The following HYDIN variants were observed in gnomAD, a reference collection of about 807,000 sequenced individuals.
HYDIN encodes the protein axonemal central pair apparatus protein HYDIN.
HYDIN carries 132 observed loss-of-function variants against 403.9 expected under a neutral mutation model. The ratio of observed to expected loss-of-function variants is 0.33; its 90% CI spans 0.28 to 0.38. HYDIN has a LOEUF of 0.38. Ranked by LOEUF, HYDIN falls within the 10% of genes least tolerant of loss-of-function variation. HYDIN has a pLI of 1.00. For missense variants in HYDIN, 2,827 were observed against 5,009.5 expected (o/e 0.56, Z 13.15); for synonymous variants, 1,202 against 1,891.7 (o/e 0.64, Z 9.46).
chr16:71,116,481 C>T (rs1294965249), intron 9 of HYDIN, among the ~76,000 whole-genome samples: 2 of 152,238 alleles, frequency 1.3e-5, no homozygotes, highest in East Asian at 1.9e-4. Context: ...AATAATGCTG[C>T]AATGAACATG....
intron 14 of HYDIN, 71 bp from the exon 15 acceptor site, chr16:71,067,461 C>T (rs1568098754): frequency 1.3e-5 from 11 of 843,272 alleles, no homozygotes; most frequent in South Asian, 2.9e-5. Flanking sequence ...GGGGAGCCTC[C>T]GGAGGACTAC....
chr16:71,176,072 G>A (rs909240562), intron 4 of HYDIN, among the ~76,000 whole-genome samples: 4 of 149,598 alleles, frequency 2.7e-5, no homozygotes, highest in Admixed American at 1.3e-4. Flanking sequence ...TTGGGAGGCC[G>A]AGGCAGGAGG....
intron 36 of HYDIN, among the ~76,000 whole-genome samples, chr16:70,965,137 C>G (rs2143963492): frequency 6.6e-6 from 1 of 152,040 alleles, no homozygotes; most frequent in Middle Eastern, 3.4e-3. Flanking sequence ...GGCATTTCAC[C>G]TGTGGAAATA....
Position 70,913,110 on chromosome 16 carries a change from C to CTT in HYDIN, c.8005-4251_8005-4250dup, listed in dbSNP as rs111486976. Among the ~76,000 whole-genome samples the CTT allele has an allele frequency of 5.6e-3, 819 of 146,362 alleles. 7 individuals carry two copies. Among genetic ancestry groups the CTT allele is most frequent in the African/African-American group, 0.02 (783 of 40,090 alleles). ...TTTGTTTCATTTATCTTTCGTATTG[C>CTT]TTTTTTTTTTGTTTCAATTTCATTT... On this transcript the variant is annotated intron_variant, in intron 47 of 85. Coordinates refer to ENST00000393567, the MANE Select transcript of HYDIN (RefSeq NM_001270974.2).
chr16:71,177,687 C>T (rs769343069), intron 4 of HYDIN, among the ~76,000 whole-genome samples: 2 of 152,102 alleles, frequency 1.3e-5, no homozygotes, highest in Non-Finnish European at 2.9e-5. Context: ...TTTTTGTCTC[C>T]ACATTCTTAG....
intron 11 of HYDIN, 32 bp downstream of exon 11, chr16:71,093,785 T>C (rs763598708): frequency 7.5e-6 from 12 of 1,605,480 alleles, no homozygotes; most frequent in Non-Finnish European, 5.1e-6. Context: ...CAAGTACTGT[T>C]TGAAGTATCA....
chr16:71,203,653 C>T (rs1255751108), intron 1 of HYDIN: 1 of 440,984 alleles, frequency 2.3e-6, no homozygotes, highest in Non-Finnish European at 4.5e-6. Flanking sequence ...TTAGGTAACC[C>T]AGGACAGGTA....
Position 70,874,365 on chromosome 16 carries a change from T to C in HYDIN, c.10888A>G (p.Ile3630Val). ...ATCTCTGTGAACTCAGAGATACTTA[T>C]GTCTTCCTGGCTGGTGGGGGCCACC... is the stretch of plus-strand genomic sequence containing the variant. ...GLVAPTSQED[I>V]SISEFTEIIE... The change falls in exon 64 of 86, where the codon ATA (isoleucine) becomes GTA (valine). Residue 3630 changes from isoleucine (I) to valine (V), a missense_variant. Ile to Val is a conservative substitution (Grantham distance 29). Coordinates refer to ENST00000393567, the MANE Select transcript of HYDIN (RefSeq NM_001270974.2). 1.8e-6 allele frequency: 1 copy of C among 558,708 alleles called. No homozygotes were observed. Among genetic ancestry groups the C allele is most frequent in the Non-Finnish European group, 2.9e-6 (1 of 346,310 alleles). 34.6% of individuals were successfully genotyped at this position (558,708 alleles called of 1,614,324 possible). A position where few individuals can be genotyped will look rare whatever the true frequency, so the allele number is the denominator to read the frequency against.
Position 71,151,096 on chromosome 16 carries a change from G to T in HYDIN, c.841+1563C>A, listed in dbSNP as rs2144574220. The stretch of plus-strand genomic sequence containing the variant: ...ACTCTCATGCCTTGCTGGTGGGAAT[G>T]TAAAATGACACAACTATCTTGGAAA... On this transcript the variant is annotated intron_variant, in intron 7 of 85. Transcript: ENST00000393567. Among the ~76,000 whole-genome samples the T allele has an allele frequency of 2.0e-5, 3 of 152,278 alleles. No individual in the cohort carries two copies. The Middle Eastern group carries it at 0.01, about 518-fold the overall frequency.
At chr16:70,979,895 G>A (rs1414203652) in intron 29 of HYDIN, among the ~76,000 whole-genome samples, 1 of 152,102 alleles carries the variant, frequency 6.6e-6, no homozygotes, top group Non-Finnish European at 1.5e-5. Context: ...CTGAACTCCA[G>A]CCTGGGTGAC....
rs562266990 is a variant in HYDIN, at chr16:71,129,743, C to T, written c.1124G>A (p.Arg375Gln). Reference sequence around the variant, plus strand: ...TCGGGACAGAACAGAAAGATGTTCTCGGAGTAAAGGATCAGTAATGCACTC... The same window carrying T: ...TCGGGACAGAACAGAAAGATGTTCTTGGAGTAAAGGATCAGTAATGCACTC... ...FEECITDPLL[R>Q]EHLSVLSRTF... is the part of the protein sequence containing the mutation. The change falls in exon 9 of 86, where the codon CGA becomes CAA. Residue 375 changes from arginine (R) to glutamine (Q), a missense_variant. Physicochemically the swap from Arg to Gln is conservative, Grantham distance 43. Transcript: ENST00000393567. 91 of 1,614,060 alleles carry T rather than the reference C, an allele frequency of 5.6e-5. No homozygotes were observed. Among genetic ancestry groups the T allele is most frequent in the South Asian group, 3.7e-4 (34 of 91,030 alleles).
At chr16:70,830,610 C>T (rs868725166) in intron 80 of HYDIN, among the ~76,000 whole-genome samples, 8 of 145,694 alleles carry the variant, frequency 5.5e-5, no homozygotes, top group Non-Finnish European at 1.2e-4. Context: ...TGGGGGATGA[C>T]GGTGGCTTAG....
chr16:71,011,099 G>A (rs1344848998), intron 23 of HYDIN, among the ~76,000 whole-genome samples: 1 of 152,166 alleles, frequency 6.6e-6, no homozygotes, highest in Non-Finnish European at 1.5e-5. Context: ...CCCGTAGGAG[G>A]ACCCGTAGGA....
chr16:70,939,199 C>A (rs1488580156), intron 43 of HYDIN, among the ~76,000 whole-genome samples: 2 of 152,090 alleles, frequency 1.3e-5, no homozygotes, highest in African/African-American at 2.4e-5. Flanking sequence ...CCAAGGAGTG[C>A]AGAAGGCCTC....
chr16:70,956,924 AC>A (rs1182554129), intron 39 of HYDIN, among the ~76,000 whole-genome samples: 3 of 150,076 alleles, frequency 2.0e-5, no homozygotes, highest in African/African-American at 7.4e-5. Flanking sequence ...TATATCATGA[AC>A]AACTTTCCAT....
At chr16:71,101,927 C>T (rs1279173289) in intron 10 of HYDIN, among the ~76,000 whole-genome samples, 1 of 151,946 alleles carries the variant, frequency 6.6e-6, no homozygotes, top group Non-Finnish European at 1.5e-5. Flanking sequence ...AGCATAACAG[C>T]ATTAAGTTAG....
At chr16:70,861,652 A>C (rs1390824199) in intron 69 of HYDIN, among the ~76,000 whole-genome samples, 1 of 118,446 alleles carries the variant, frequency 8.4e-6, no homozygotes, top group Admixed American at 9.5e-5. Context: ...CAACAATTCC[A>C]CCAGCTGGGT....
At chr16:70,839,408 T>C (rs1567685053) in intron 76 of HYDIN, among the ~76,000 whole-genome samples, 2 of 148,762 alleles carry the variant, frequency 1.3e-5, no homozygotes, top group Non-Finnish European at 2.9e-5. Context: ...TTAACATTAA[T>C]TAAAATAAAA....
At chr16:71,200,437 C>T (rs79914005) in intron 1 of HYDIN, among the ~76,000 whole-genome samples, 2,493 of 152,258 alleles carry the variant, frequency 0.016, 138 homozygotes, top group East Asian at 0.16. Context: ...GAGAGCATGG[C>T]TTAGGTTTCT....
Sources: allele counts gnomAD v4.1 joint callset (sites outside exome capture counted in the v4.1 genomes callset), GRCh38; gene constraint gnomAD v4.1.1; transcripts MANE v1.5; gene names NCBI Gene and HGNC (gene_info 2026-07-23, HGNC 2026-07-21).